Variants in SNTB1 observed in about 807,000 individuals in gnomAD.
SNTB1 encodes beta-1-syntrophin.
In SNTB1, 36 loss-of-function variants were observed where a neutral mutation model predicts 48.9. The observed-to-expected ratio is 0.74, with a 90% CI of 0.56 to 0.97. The LOEUF is 0.97. Among genes scored for constraint, SNTB1 ranks in the 50% least tolerant of loss-of-function variants. The pLI is 0.00. For synonymous variants in SNTB1, 299 were observed against 294.6 expected, an observed-to-expected ratio of 1.01 and a Z score of -0.15; for missense variants, 786 against 703.4, an observed-to-expected ratio of 1.12 and a Z score of -1.33.
intron 3 of SNTB1, among the ~76,000 whole-genome samples, chr8:120,598,063 T>G (rs1816354619): frequency 6.6e-6 from 1 of 152,168 alleles, no homozygotes; most frequent in African/African-American, 2.4e-5. Flanking sequence ...TGCTGGCGCT[T>G]ATTCTGCTCA....
At chr8:120,748,367 G>A (rs567160837) in intron 1 of SNTB1, among the ~76,000 whole-genome samples, 7 of 152,012 alleles carry the variant, frequency 4.6e-5, no homozygotes, top group African/African-American at 1.2e-4. Flanking sequence ...AAATTTGGTC[G>A]TCATCCTTCC....
intron 1 of SNTB1, among the ~76,000 whole-genome samples, chr8:120,761,883 C>T (rs905311326): frequency 6.6e-6 from 1 of 152,184 alleles, no homozygotes; most frequent in South Asian, 2.1e-4. Context: ...GTAACTCAGA[C>T]TAAGATGCAG....
chr8:120,750,782 G>A (rs761922777), intron 1 of SNTB1, among the ~76,000 whole-genome samples: 1 of 152,064 alleles, frequency 6.6e-6, no homozygotes, highest in Non-Finnish European at 1.5e-5. Flanking sequence ...TCTATCATGA[G>A]GTGTCAGGTG....
intron 3 of SNTB1, among the ~76,000 whole-genome samples, chr8:120,579,045 C>T (rs1563822285): frequency 1.3e-5 from 2 of 151,878 alleles, no homozygotes; most frequent in East Asian, 1.9e-4. Flanking sequence ...GGTGTGGTGG[C>T]GGGTGCCTGT....
At chr8:120,758,697 G>A (rs1055016224) in intron 1 of SNTB1, among the ~76,000 whole-genome samples, 10 of 152,226 alleles carry the variant, frequency 6.6e-5, no homozygotes, top group Middle Eastern at 3.4e-3. Flanking sequence ...GCAATTTGGG[G>A]ACACAGCCAG....
At chr8:120,742,191 G>A (rs1031073861) in intron 1 of SNTB1, among the ~76,000 whole-genome samples, 1 of 152,192 alleles carries the variant, frequency 6.6e-6, no homozygotes, top group Non-Finnish European at 1.5e-5. Flanking sequence ...TGACAGCCAA[G>A]CAAAGCACTG....
chr8:120,575,515 T>C (rs888161389), intron 3 of SNTB1, among the ~76,000 whole-genome samples: 38 of 152,340 alleles, frequency 2.5e-4, no homozygotes, highest in African/African-American at 8.4e-4. Flanking sequence ...CTTTATTTTA[T>C]AGTGGGAGGC....
At chr8:120,561,645 G>A (rs1815662858) in intron 4 of SNTB1, among the ~76,000 whole-genome samples, 1 of 152,080 alleles carries the variant, frequency 6.6e-6, no homozygotes, top group Non-Finnish European at 1.5e-5. Flanking sequence ...CCCATTGTGT[G>A]TGTAGAATAC....
intron 3 of SNTB1, among the ~76,000 whole-genome samples, chr8:120,612,636 CT>C (rs1563831538): frequency 6.6e-6 from 1 of 152,182 alleles, no homozygotes; most frequent in Non-Finnish European, 1.5e-5. Context: ...TCACTGCAAC[CT>C]CCGCCTCCTG....
intron 4 of SNTB1, among the ~76,000 whole-genome samples, chr8:120,549,535 T>C (rs184412356): frequency 1.2e-3 from 185 of 152,326 alleles, no homozygotes; most frequent in African/African-American, 4.4e-3. Flanking sequence ...TCTTGAGAAG[T>C]GGTATGGAAC....
chr8:120,638,861 A>G (rs191847602), intron 2 of SNTB1, among the ~76,000 whole-genome samples: 20 of 152,366 alleles, frequency 1.3e-4, no homozygotes, highest in Admixed American at 1.3e-3. Flanking sequence ...GCTGCAATAA[A>G]CATACGTGTA....
chr8:120,766,271 A>G (rs1475913129), intron 1 of SNTB1, among the ~76,000 whole-genome samples: 3 of 152,196 alleles, frequency 2.0e-5, no homozygotes, highest in Non-Finnish European at 2.9e-5. Flanking sequence ...TGATGAAAAT[A>G]AGATTCAGAA....
intron 2 of SNTB1, among the ~76,000 whole-genome samples, chr8:120,663,157 T>A (rs1400453978): frequency 6.6e-6 from 1 of 152,166 alleles, no homozygotes; most frequent in Non-Finnish European, 1.5e-5. Flanking sequence ...ATGAGCTAAG[T>A]GGCCCTGGAG....
intron 4 of SNTB1, among the ~76,000 whole-genome samples, chr8:120,567,041 G>A (rs1187668574): frequency 6.6e-6 from 1 of 152,208 alleles, no homozygotes; most frequent in African/African-American, 2.4e-5. Context: ...TCAAAAGGTA[G>A]AAACAGAATC....
At chr8:120,797,530 A>G (rs893158605) in intron 1 of SNTB1, among the ~76,000 whole-genome samples, 1 of 148,976 alleles carries the variant, frequency 6.7e-6, no homozygotes, top group African/African-American at 2.5e-5. Context: ...ATCATTAACC[A>G]AAGCAACTTG....
rs775303106 is a variant in SNTB1 at position 120,538,729 on chromosome 8, T to C, written c.*148A>G. The C allele has an allele frequency of 1.4e-6, 1 of 729,710 alleles. No homozygotes were observed. Among genetic ancestry groups the C allele is most frequent in the East Asian group, 2.7e-5 (1 of 37,592 alleles). The allele number at this position is 729,710 out of a possible 1,614,324, so 45.2% of individuals were successfully genotyped here. A position where few individuals can be genotyped will look rare whatever the true frequency, so the allele number is the denominator to read the frequency against. ...GTAGTTGCTGAAACTGACAGAGGAG[T>C]CTGGGACAGTTACATACGACTCTTG... On this transcript the variant is annotated 3_prime_UTR_variant, in exon 7 of 7. Transcript: ENST00000517992.
chr8:120,555,952 G>A (rs909920795), intron 4 of SNTB1, among the ~76,000 whole-genome samples: 5 of 152,150 alleles, frequency 3.3e-5, no homozygotes, highest in Admixed American at 2.6e-4. Flanking sequence ...TGACAGCACC[G>A]TGATCTTGGA....
chr8:120,811,143 AACAC>A, intron 1 of SNTB1, 126 bp downstream of exon 1: 1 of 1,130,352 alleles, frequency 8.8e-7, no homozygotes, highest in Non-Finnish European at 1.2e-6. Flanking sequence ...CCCCCCCCCC[AACAC>A]ACACACACCC....
At chr8:120,723,711 C>T (rs939220833) in intron 1 of SNTB1, among the ~76,000 whole-genome samples, 4 of 152,188 alleles carry the variant, frequency 2.6e-5, no homozygotes, top group East Asian at 1.9e-4. Context: ...CCTGGGCATA[C>T]TTGACCTCTC....
Sources: gnomAD v4.1 joint callset for allele counts (sites outside exome capture counted in the v4.1 genomes callset) on GRCh38, gnomAD v4.1.1 for gene constraint, MANE v1.5 for transcripts, NCBI Gene and HGNC (gene_info 2026-07-23, HGNC 2026-07-21) for gene names.